The following DNM3 variants were observed in gnomAD, a reference collection of about 807,000 sequenced individuals.
DNM3 encodes dynamin 3, also known as dynamin-3.
DNM3 carries 47 observed loss-of-function variants against 101.6 expected under a neutral mutation model. The ratio of observed to expected loss-of-function variants is 0.46; its 90% CI spans 0.37 to 0.59. The LOEUF (loss-of-function observed/expected upper bound fraction) is 0.59, where lower values mean the gene tolerates loss of function less well. DNM3 is among the 20% of genes least tolerant of loss of function. The probability of loss-of-function intolerance (pLI) is 0.00; values close to 1 mark genes in which losing one functional copy is unlikely to be tolerated. For synonymous variants in DNM3, 385 were observed against 387.9 expected, an observed-to-expected ratio of 0.99 and a Z score of 0.09; for missense variants, 849 against 1,085.7, an observed-to-expected ratio of 0.78 and a Z score of 3.06.
chr1:172,093,331 T>C (rs2054037850), intron 13 of DNM3, among the ~76,000 whole-genome samples: 1 of 152,192 alleles, frequency 6.6e-6, no homozygotes. Flanking sequence ...TCTGCCACAC[T>C]AAATTCTTGT....
chr1:172,023,318 G>A (rs575313644), intron 4 of DNM3, among the ~76,000 whole-genome samples: 2 of 152,052 alleles, frequency 1.3e-5, no homozygotes, highest in African/African-American at 4.8e-5. Flanking sequence ...CCCTTGTTTT[G>A]TAGAACACGT....
chr1:171,888,572 C>T (rs2036982839), intron 1 of DNM3, among the ~76,000 whole-genome samples: 1 of 152,106 alleles, frequency 6.6e-6, no homozygotes, highest in Non-Finnish European at 1.5e-5. Flanking sequence ...ATGATAATAC[C>T]TGTTTTTCTA....
At chr1:172,213,742 A>C (rs929232437) in intron 14 of DNM3, among the ~76,000 whole-genome samples, 1 of 151,474 alleles carries the variant, frequency 6.6e-6, no homozygotes, top group Non-Finnish European at 1.5e-5. Flanking sequence ...GCAGGAGCAT[A>C]GCTTGAACGT....
intron 16 of DNM3, among the ~76,000 whole-genome samples, chr1:172,316,724 C>A (rs9425554): frequency 0.012 from 1,830 of 152,096 alleles, 26 homozygotes; most frequent in African/African-American, 0.042. Flanking sequence ...TACAGGAGCA[C>A]CCAGATTCAT....
intron 4 of DNM3, among the ~76,000 whole-genome samples, chr1:171,991,358 G>T (rs2045618937): frequency 1.3e-5 from 2 of 152,106 alleles, no homozygotes; most frequent in African/African-American, 4.8e-5. Flanking sequence ...TGCTCTGACT[G>T]ACTGGCTATA....
chr1:172,246,520 G>A (rs1425382868), intron 14 of DNM3, among the ~76,000 whole-genome samples: 2 of 152,116 alleles, frequency 1.3e-5, no homozygotes, highest in African/African-American at 4.8e-5. Flanking sequence ...TCTCTTTTGA[G>A]GCAAAGAGAA....
chr1:172,066,700 T>A (rs1406697568), intron 10 of DNM3, among the ~76,000 whole-genome samples: 1 of 152,232 alleles, frequency 6.6e-6, no homozygotes, highest in Non-Finnish European at 1.5e-5. Context: ...AGTAGCCTAA[T>A]TTTCTTCAAA....
intron 8 of DNM3, 83 bp downstream of exon 8, chr1:172,042,227 G>C: frequency 7.3e-7 from 1 of 1,373,764 alleles, no homozygotes; most frequent in Non-Finnish European, 9.7e-7. Context: ...TATTGTGTGA[G>C]TGGTATAGAA....
intron 15 of DNM3, 83 bp from the exon 16 acceptor site, chr1:172,308,645 C>T (rs140813635): frequency 1.2e-4 from 69 of 576,238 alleles, no homozygotes; most frequent in African/African-American, 1.0e-3. Flanking sequence ...TTGTCACTTA[C>T]ATCATCATCG....
At chr1:172,220,861 C>G (rs974414433) in intron 14 of DNM3, among the ~76,000 whole-genome samples, 4 of 151,918 alleles carry the variant, frequency 2.6e-5, no homozygotes, top group African/African-American at 9.7e-5. Context: ...TAAAAGCGTG[C>G]CATAAAGAAT....
At position 172,110,283 on chromosome 1, in the gene DNM3, C is replaced by T. The variant is rs575313988; in HGVS notation, c.1545+17408C>T. Reference sequence around the variant, plus strand: ...TAGCACTTTCTTAGGAGTACTTTTCCGGACTTCTACACTATTTTCAGTCCT... The same window carrying T: ...TAGCACTTTCTTAGGAGTACTTTTCTGGACTTCTACACTATTTTCAGTCCT... On this transcript the variant is annotated intron_variant, in intron 13 of 20. Coordinates refer to ENST00000627582, the MANE Select transcript of DNM3 (RefSeq NM_015569.5). Among the ~76,000 whole-genome samples the T allele has an allele frequency of 2.0e-4, 30 of 152,230 alleles. No individual in the cohort carries two copies. In the East Asian group the frequency reaches 2.1e-3, roughly 11 times the overall value.
chr1:172,215,420 G>T (rs538378235), intron 14 of DNM3, among the ~76,000 whole-genome samples: 11 of 152,160 alleles, frequency 7.2e-5, no homozygotes, highest in Admixed American at 5.2e-4. Context: ...CTGGGAAATA[G>T]AATGATTTTT....
rs189103414 is a variant in DNM3 at position 171,938,130 on chromosome 1, C to T, written c.235+16309C>T. On this transcript the variant is annotated intron_variant, in intron 2 of 20. Transcript: ENST00000627582. ...AGAAGTCTAAGCACAGTGCTTTGAA[C>T]ATAACCAGGCACTCATTCAATGTTG... Among the ~76,000 whole-genome samples the T allele has an allele frequency of 6.6e-4, 100 of 151,592 alleles. 1 individual carries two copies. Among genetic ancestry groups the T allele is most frequent in the African/African-American group, 2.3e-3 (95 of 41,360 alleles).
chr1:172,304,871 G>C (rs1010237487), intron 15 of DNM3, among the ~76,000 whole-genome samples: 6 of 152,056 alleles, frequency 3.9e-5, no homozygotes, highest in Non-Finnish European at 7.4e-5. Flanking sequence ...TCTCTGGGAC[G>C]CATTTAAAGC....
chr1:171,867,803 T>C (rs1417046734), intron 1 of DNM3, among the ~76,000 whole-genome samples: 1 of 152,200 alleles, frequency 6.6e-6, no homozygotes, highest in Non-Finnish European at 1.5e-5. Flanking sequence ...ATATATCACA[T>C]ATATAGGTTC....
chr1:172,403,248 G>A (rs763142720), intron 20 of DNM3, among the ~76,000 whole-genome samples: 1 of 152,068 alleles, frequency 6.6e-6, no homozygotes, highest in Admixed American at 6.6e-5. Flanking sequence ...CCCATCCTAT[G>A]GAGAAATAAG....
intron 5 of DNM3, 29 bp from the exon 6 acceptor site, chr1:172,033,076 C>G (rs1216988207): frequency 6.2e-7 from 1 of 1,604,466 alleles, no homozygotes; most frequent in South Asian, 1.1e-5. Flanking sequence ...AAAGTGTCCC[C>G]AACTCCATAG....
intron 1 of DNM3, among the ~76,000 whole-genome samples, chr1:171,904,033 C>A (rs952981556): frequency 6.6e-6 from 1 of 151,840 alleles, no homozygotes; most frequent in African/African-American, 2.4e-5. Context: ...CTAGGCTGGG[C>A]GCAGTGGCTC....
At chr1:172,404,216 A>G (rs1355591903) in intron 20 of DNM3, among the ~76,000 whole-genome samples, 1 of 152,140 alleles carries the variant, frequency 6.6e-6, no homozygotes, top group Non-Finnish European at 1.5e-5. Context: ...TTGAGAGAAC[A>G]TGAACATTTT....
Sources: allele counts gnomAD v4.1 joint callset (sites outside exome capture counted in the v4.1 genomes callset), GRCh38; gene constraint gnomAD v4.1.1; transcripts MANE v1.5; gene names NCBI Gene and HGNC (gene_info 2026-07-23, HGNC 2026-07-21).